Variants in ZBBX observed in about 807,000 individuals in gnomAD.
ZBBX encodes the protein zinc finger B-box domain containing.
A neutral mutation model predicts 108.5 loss-of-function variants in ZBBX; 101 were observed. The ratio of observed to expected loss-of-function variants is 0.93; its 90% CI spans 0.79 to 1.10. The LOEUF is 1.10. Ranked by LOEUF, ZBBX falls within the 50% of genes least tolerant of loss-of-function variation. The probability of loss-of-function intolerance (pLI) is 0.00; values close to 1 mark genes in which losing one functional copy is unlikely to be tolerated. For synonymous variants in ZBBX, 356 were observed against 323.4 expected, an observed-to-expected ratio of 1.10 and a Z score of -1.08; for missense variants, 1,009 against 941.4, an observed-to-expected ratio of 1.07 and a Z score of -0.94.
the ZBBX span, among the ~76,000 whole-genome samples, chr3:167,213,795 A>AGC: frequency 6.6e-6 from 1 of 152,132 alleles, no homozygotes; most frequent in Non-Finnish European, 1.5e-5. Flanking sequence ...AAAGCAGGTC[A>AGC]CCTACAAAGG....
chr3:167,267,098 G>A (rs1725651777), intron 20 of ZBBX, among the ~76,000 whole-genome samples: 1 of 152,218 alleles, frequency 6.6e-6, no homozygotes, highest in African/African-American at 2.4e-5. Context: ...TTGAAAGTGT[G>A]TGAATGGTAA....
chr3:167,211,369 T>C, the ZBBX span, among the ~76,000 whole-genome samples: 48 of 152,272 alleles, frequency 3.2e-4, 1 homozygote, highest in Non-Finnish European at 2.6e-4. Flanking sequence ...TGGAGACAGA[T>C]ACTTGGGCTT....
Position 167,350,516 on chromosome 3 carries a change from C to G in ZBBX, c.433-1G>C. 3.2e-6 allele frequency: 5 copies of G among 1,562,244 alleles called. No individual in the cohort carries two copies. The highest frequency in any genetic ancestry group is 4.3e-6 in the Non-Finnish European group (5 of 1,152,268). ...AATCTTCTCCACATTCAAGGCATAC[C>G]TAAAAAGATATTTTTTAAAAAATTA... On this transcript the variant is annotated splice_acceptor_variant, in intron 8 of 21. Transcript: ENST00000675490. LOFTEE classifies it high-confidence loss of function.
chr3:167,242,270 A>C (rs1483893175), intron 21 of ZBBX, among the ~76,000 whole-genome samples: 1 of 152,210 alleles, frequency 6.6e-6, no homozygotes, highest in Non-Finnish European at 1.5e-5. Context: ...TTTCATTTTT[A>C]TGATACATAT....
At chr3:167,275,894 A>G (rs1358014259) in intron 20 of ZBBX, among the ~76,000 whole-genome samples, 4 of 152,212 alleles carry the variant, frequency 2.6e-5, no homozygotes, top group African/African-American at 9.6e-5. Flanking sequence ...GCAGCTTTGA[A>G]GAGAGCAGTG....
chr3:167,266,745 C>A (rs1186589220), intron 20 of ZBBX, among the ~76,000 whole-genome samples: 3 of 152,154 alleles, frequency 2.0e-5, no homozygotes, highest in Non-Finnish European at 4.4e-5. Context: ...AATTGCCTTG[C>A]TGAGGAAACT....
At chr3:167,305,041 A>G (rs1308551496) in intron 17 of ZBBX, among the ~76,000 whole-genome samples, 1 of 152,166 alleles carries the variant, frequency 6.6e-6, no homozygotes, top group East Asian at 1.9e-4. Flanking sequence ...CTAAGAATGT[A>G]TTATTAATAA....
At chr3:167,316,895 C>A (rs956321357) in intron 14 of ZBBX, 110 bp downstream of exon 14, 15 of 563,250 alleles carry the variant, frequency 2.7e-5, no homozygotes, top group Middle Eastern at 2.8e-4. Flanking sequence ...TCCTATTAAA[C>A]TATGTTAGTT....
chr3:167,295,088 TTGG>T (rs1184738815), intron 18 of ZBBX, among the ~76,000 whole-genome samples: 1 of 152,194 alleles, frequency 6.6e-6, no homozygotes, highest in African/African-American at 2.4e-5. Context: ...TTTTACACTG[TTGG>T]TGGGAGTGTA....
upstream of ZBBX, chr3:167,380,382 C>A (rs537336316): frequency 6.6e-6 from 1 of 152,100 alleles, no homozygotes; most frequent in African/African-American, 2.4e-5. Context: ...TGCCACTGTC[C>A]GCCGGCAGAG....
intron 9 of ZBBX, among the ~76,000 whole-genome samples, chr3:167,344,558 C>T (rs1193133970): frequency 6.6e-6 from 1 of 151,672 alleles, no homozygotes; most frequent in Admixed American, 6.6e-5. Context: ...GCTATCAAAT[C>T]CTCTTGGCAT....
chr3:167,365,128 T>C (rs867432757), intron 6 of ZBBX, among the ~76,000 whole-genome samples: 1 of 151,764 alleles, frequency 6.6e-6, no homozygotes, highest in Non-Finnish European at 1.5e-5. Flanking sequence ...TTCCCTAAGA[T>C]AGGGAATGAC....
chr3:167,204,021 T>C, the ZBBX span, among the ~76,000 whole-genome samples: 5 of 152,112 alleles, frequency 3.3e-5, no homozygotes, highest in African/African-American at 9.7e-5. Flanking sequence ...CTCATAGCTG[T>C]TCCTTAAATA....
downstream of ZBBX, among the ~76,000 whole-genome samples, chr3:167,236,604 C>T (rs146157544): frequency 6.0e-3 from 907 of 151,502 alleles, 10 homozygotes; most frequent in African/African-American, 0.021. Flanking sequence ...GAATATATAC[C>T]CTGTTTTTCT....
chr3:167,330,339 T>G (rs922994862), intron 10 of ZBBX, among the ~76,000 whole-genome samples: 7 of 152,124 alleles, frequency 4.6e-5, no homozygotes, highest in Non-Finnish European at 8.8e-5. Context: ...AAACCTTTTT[T>G]TAAAGAAGAA....
intron 20 of ZBBX, among the ~76,000 whole-genome samples, chr3:167,258,295 G>A (rs925605558): frequency 2.6e-5 from 4 of 152,014 alleles, no homozygotes; most frequent in African/African-American, 7.2e-5. Flanking sequence ...CCACTACTGG[G>A]TATCAATCTT....
the ZBBX span, among the ~76,000 whole-genome samples, chr3:167,221,762 T>C: frequency 6.6e-6 from 1 of 151,820 alleles, no homozygotes; most frequent in Non-Finnish European, 1.5e-5. Flanking sequence ...AAGATCCGAA[T>C]AGACATTTTT....
At chr3:167,350,921 A>C (rs948150951) in intron 8 of ZBBX, among the ~76,000 whole-genome samples, 1 of 152,044 alleles carries the variant, frequency 6.6e-6, no homozygotes, top group Admixed American at 6.6e-5. Flanking sequence ...CTTCATTTGT[A>C]TGAGTTATTT....
At chr3:167,283,228 G>GA (rs928780500) in intron 19 of ZBBX, among the ~76,000 whole-genome samples, 10 of 150,646 alleles carry the variant, frequency 6.6e-5, no homozygotes, top group East Asian at 3.9e-4. Context: ...TTAACAGTAG[G>GA]AAAAAAAAAT....
Sources: allele counts gnomAD v4.1 joint callset (sites outside exome capture counted in the v4.1 genomes callset), GRCh38; gene constraint gnomAD v4.1.1; transcripts MANE v1.5; gene names NCBI Gene and HGNC (gene_info 2026-07-23, HGNC 2026-07-21).